The following TBCK variants were observed in gnomAD, a reference collection of about 807,000 sequenced individuals.
TBCK encodes TBC domain-containing protein kinase-like protein.
In TBCK, 99 loss-of-function variants were observed where a neutral mutation model predicts 113.4. The ratio of observed to expected loss-of-function variants is 0.87; its 90% CI spans 0.74 to 1.03. The LOEUF (loss-of-function observed/expected upper bound fraction) is 1.03, where lower values mean the gene tolerates loss of function less well. TBCK is among the 50% of genes least tolerant of loss of function. The pLI is 0.00. For missense variants in TBCK, 1,045 were observed against 1,061.3 expected, an observed-to-expected ratio of 0.98 and a Z score of 0.21; for synonymous variants, 369 against 370.8, an observed-to-expected ratio of 1.00 and a Z score of 0.05.
intron 23 of TBCK, among the ~76,000 whole-genome samples, chr4:106,116,820 T>A (rs1225349257): frequency 6.6e-6 from 1 of 152,136 alleles, no homozygotes; most frequent in African/African-American, 2.4e-5. Context: ...CACCTCTAGA[T>A]AGGATCATCT....
At chr4:106,313,386 A>C (rs1405369947) in intron 1 of TBCK, among the ~76,000 whole-genome samples, 1 of 152,212 alleles carries the variant, frequency 6.6e-6, no homozygotes, top group Admixed American at 6.5e-5. Flanking sequence ...AAAAGGAAAA[A>C]AAAAAAGTTA....
At chr4:106,243,486 T>G (rs771258894) in intron 11 of TBCK, among the ~76,000 whole-genome samples, 1 of 152,168 alleles carries the variant, frequency 6.6e-6, no homozygotes, top group Non-Finnish European at 1.5e-5. Context: ...ATTTCCGTAA[T>G]CTTACCTCTA....
intron 22 of TBCK, among the ~76,000 whole-genome samples, chr4:106,193,168 T>C (rs904082999): frequency 2.0e-5 from 3 of 152,204 alleles, no homozygotes; most frequent in East Asian, 3.8e-4. Flanking sequence ...TATTTCCTTT[T>C]GTCAAATCGT....
intron 23 of TBCK, among the ~76,000 whole-genome samples, chr4:106,127,626 T>C (rs1745383143): frequency 6.6e-6 from 1 of 152,152 alleles, no homozygotes; most frequent in Non-Finnish European, 1.5e-5. Context: ...TAGGCCTAAG[T>C]ACACCTGAAT....
At chr4:106,122,556 G>C in intron 23 of TBCK, among the ~76,000 whole-genome samples, 1 of 152,176 alleles carries the variant, frequency 6.6e-6, no homozygotes, top group Non-Finnish European at 1.5e-5. Context: ...ACCAAAGCCT[G>C]GCAGAGACAC....
intron 23 of TBCK, among the ~76,000 whole-genome samples, chr4:106,135,307 G>T (rs1326302120): frequency 1.3e-5 from 2 of 151,780 alleles, no homozygotes; most frequent in Admixed American, 6.6e-5. Flanking sequence ...CCTGAGGGAG[G>T]TTCTATTATT....
chr4:106,251,120 G>T, intron 6 of TBCK: 1 of 394,804 alleles, frequency 2.5e-6, no homozygotes, highest in Non-Finnish European at 5.1e-6. Flanking sequence ...GTGCCAAATT[G>T]GACTCTTCCA....
At chr4:106,131,006 A>G (rs1192972924) in intron 23 of TBCK, among the ~76,000 whole-genome samples, 1 of 152,170 alleles carries the variant, frequency 6.6e-6, no homozygotes, top group African/African-American at 2.4e-5. Flanking sequence ...GTCCCCCCCA[A>G]ATCTCACCTT....
chr4:106,114,033 G>C (rs953934569), intron 24 of TBCK, among the ~76,000 whole-genome samples: 1 of 152,136 alleles, frequency 6.6e-6, no homozygotes, highest in Non-Finnish European at 1.5e-5. Context: ...AAAGAATGTG[G>C]CTAATTATAC....
chr4:106,289,973 G>A (rs1244134790), intron 3 of TBCK, among the ~76,000 whole-genome samples: 1 of 152,038 alleles, frequency 6.6e-6, no homozygotes, highest in South Asian at 2.1e-4. Flanking sequence ...ATATTGCATT[G>A]TAAATGCATA....
intron 17 of TBCK, among the ~76,000 whole-genome samples, chr4:106,232,306 TATAGA>T (rs1427557717): frequency 2.0e-5 from 3 of 151,840 alleles, no homozygotes; most frequent in Non-Finnish European, 3.0e-5. Context: ...GTTAGGAGGA[TATAGA>T]ATAGCTCTGA....
rs968514969 is a variant in TBCK, at chr4:106,055,816, A to G, written c.2572-9136T>C. Among the ~76,000 whole-genome samples the G allele has an allele frequency of 2.0e-5, 3 of 151,648 alleles. No individual in the cohort carries two copies. The East Asian group carries it at 5.8e-4, about 29-fold the overall frequency. On this transcript the variant is annotated intron_variant, in intron 25 of 25. Transcript: ENST00000394708. ...GTCTTTTCAACAATCTCTGAAACAAATACAAGTTATTAATATATCTTTTAA... is the reference window on the plus strand; with the variant it reads ...GTCTTTTCAACAATCTCTGAAACAAGTACAAGTTATTAATATATCTTTTAA...
chr4:106,116,065 T>C lies in TBCK; in HGVS notation c.2411+138A>G, dbSNP rs1359885785. 7 of 726,732 alleles carry C rather than the reference T, an allele frequency of 9.6e-6. No homozygotes were observed. The East Asian group carries it at 1.1e-4, about 11-fold the overall frequency. The allele number at this position is 726,732 out of a possible 1,614,324, so 45.0% of individuals were successfully genotyped here. On this transcript the variant is annotated intron_variant, in intron 24 of 25. Coordinates refer to ENST00000394708, the MANE Select transcript of TBCK (RefSeq NM_001163435.3). ...AACCTTATGCAAGACCATTCTGGCA[T>C]CCAGTTTGAGAGTAATTTAACTACT...
Position 106,066,407 on chromosome 4 carries a change from T to C in TBCK, c.2572-19727A>G, listed in dbSNP as rs957976543. ...AAAAAAGACCTCATCAGAACAACTC[T>C]TATGAAAACTTCTTCACTACTACTG... On this transcript the variant is annotated intron_variant, in intron 25 of 25. Transcript: ENST00000394708. 3.3e-5 allele frequency among the ~76,000 whole-genome samples: 5 copies of C among 152,118 alleles called. No individual in the cohort carries two copies. In the East Asian group the frequency reaches 5.8e-4, roughly 18 times the overall value.
At chr4:106,247,442 T>A (rs1410862390) in intron 9 of TBCK, 155 bp from the exon 10 acceptor site, 1 of 607,350 alleles carries the variant, frequency 1.6e-6, no homozygotes, top group Admixed American at 3.7e-5. Flanking sequence ...TGCATACTTT[T>A]ATATTATAAT....
intron 12 of TBCK, among the ~76,000 whole-genome samples, chr4:106,241,447 T>C (rs559016173): frequency 6.6e-6 from 1 of 152,060 alleles, no homozygotes; most frequent in East Asian, 1.9e-4. Context: ...CTACTCCATT[T>C]TGAGGACAAA....
intron 25 of TBCK, among the ~76,000 whole-genome samples, chr4:106,076,138 C>G (rs1469848891): frequency 1.3e-5 from 2 of 152,170 alleles, no homozygotes; most frequent in Non-Finnish European, 2.9e-5. Context: ...AGGTAGGTGC[C>G]CTGGCAGTGG....
intron 23 of TBCK, among the ~76,000 whole-genome samples, chr4:106,156,046 C>T (rs984625719): frequency 3.3e-5 from 5 of 152,100 alleles, no homozygotes; most frequent in East Asian, 3.9e-4. Flanking sequence ...TTTTCAGGTA[C>T]TCAGAAGACT....
At chr4:106,118,400 G>T (rs1032921486) in intron 23 of TBCK, among the ~76,000 whole-genome samples, 1 of 152,018 alleles carries the variant, frequency 6.6e-6, no homozygotes, top group African/African-American at 2.4e-5. Flanking sequence ...AGCTTTATGG[G>T]TTTATAGCTT....
Sources: allele counts gnomAD v4.1 joint callset (sites outside exome capture counted in the v4.1 genomes callset), GRCh38; gene constraint gnomAD v4.1.1; transcripts MANE v1.5; gene names NCBI Gene and HGNC (gene_info 2026-07-23, HGNC 2026-07-21).